The following LRRC38 variants were observed in gnomAD, a reference collection of about 807,000 sequenced individuals.
The protein encoded by LRRC38 is leucine rich repeat containing 38.
Under a neutral mutation model 16.4 loss-of-function variants are expected in LRRC38, and 5 were observed. The observed-to-expected ratio is 0.31, with a 90% CI of 0.16 to 0.64. The LOEUF (loss-of-function observed/expected upper bound fraction) is 0.64. Ranked by LOEUF, LRRC38 falls within the 30% of genes least tolerant of loss-of-function variation. The pLI, the probability that LRRC38 is intolerant of heterozygous loss-of-function variation, is 0.80. For synonymous variants in LRRC38, 191 were observed against 190.2 expected, an observed-to-expected ratio of 1.00 and a Z score of -0.04; for missense variants, 341 against 401.8, an observed-to-expected ratio of 0.85 and a Z score of 1.29.
At chr1:13,485,941 T>C (rs1638926750) in intron 1 of LRRC38, among the ~76,000 whole-genome samples, 1 of 152,106 alleles carries the variant, frequency 6.6e-6, no homozygotes, top group Admixed American at 6.6e-5. Flanking sequence ...TGGTGGTTCT[T>C]TCTTTTTTTG....
intron 1 of LRRC38, among the ~76,000 whole-genome samples, chr1:13,488,627 G>A (rs976251143): frequency 6.6e-6 from 1 of 152,118 alleles, no homozygotes; most frequent in African/African-American, 2.4e-5. Flanking sequence ...GGTTGTGGGT[G>A]AGTCCTTGAA....
intron 1 of LRRC38, among the ~76,000 whole-genome samples, chr1:13,498,647 T>C (rs913592995): frequency 5.3e-5 from 8 of 151,826 alleles, no homozygotes; most frequent in Middle Eastern, 3.4e-3. Context: ...CAAAACAAAA[T>C]AAAAACCAAA....
intron 1 of LRRC38, among the ~76,000 whole-genome samples, chr1:13,480,190 CAA>C (rs1321027400): frequency 6.6e-6 from 1 of 152,164 alleles, no homozygotes; most frequent in East Asian, 1.9e-4. Context: ...ACTAAAAGTA[CAA>C]AAATTAGCTG....
rs1557507709 is a variant in LRRC38 at position 13,513,248 on chromosome 1, A to G, written c.346T>C (p.Leu116=). The part of the protein sequence containing the change: ...LVFLDLSYNN[L]TQLGAGAFRS... ...AAGGCGCCGGCGCCCAGCTGGGTCA[A>G]GTTGTTGTAGCTGAGGTCGAGGAAC... The change falls in exon 1 of 2, where the codon TTG becomes CTG. Residue 116 remains leucine (L), a synonymous_variant. Coordinates refer to ENST00000376085, the MANE Select transcript of LRRC38 (RefSeq NM_001010847.2). The G allele has an allele frequency of 5.8e-6, 9 of 1,550,268 alleles. No individual in the cohort carries two copies. The highest frequency in any genetic ancestry group is 7.8e-6 in the Non-Finnish European group (9 of 1,146,898).
At chr1:13,485,500 G>C (rs989768780) in intron 1 of LRRC38, among the ~76,000 whole-genome samples, 1 of 151,908 alleles carries the variant, frequency 6.6e-6, no homozygotes, top group Non-Finnish European at 1.5e-5. Context: ...CTCGGGAGGC[G>C]ATGTTTGCAG....
intron 1 of LRRC38, among the ~76,000 whole-genome samples, chr1:13,491,130 G>A (rs891479560): frequency 6.6e-6 from 1 of 152,156 alleles, no homozygotes; most frequent in Admixed American, 6.5e-5. Context: ...ATTTGTCGAT[G>A]TCTGAAGACA....
At chr1:13,485,320 G>A (rs1404921349) in intron 1 of LRRC38, among the ~76,000 whole-genome samples, 46 of 149,494 alleles carry the variant, frequency 3.1e-4, no homozygotes, top group Admixed American at 3.1e-3. Context: ...GCTCACGCCT[G>A]TAATCCCAGC....
chr1:13,476,171 G>A (rs930919891), intron 1 of LRRC38, 72 bp from the exon 2 acceptor site: 33 of 1,466,884 alleles, frequency 2.2e-5, no homozygotes, highest in Non-Finnish European at 2.9e-5. Flanking sequence ...TGACAAGGCA[G>A]GTGCTTACAA....
At chr1:13,479,894 T>C (rs1387233225) in intron 1 of LRRC38, among the ~76,000 whole-genome samples, 1 of 152,230 alleles carries the variant, frequency 6.6e-6, no homozygotes. Flanking sequence ...TAGACCCTTG[T>C]TTAAACCAGG....
intron 1 of LRRC38, among the ~76,000 whole-genome samples, chr1:13,481,214 C>T (rs568091754): frequency 2.6e-5 from 4 of 152,082 alleles, no homozygotes; most frequent in East Asian, 1.9e-4. Context: ...TGGGTTCAAG[C>T]GATTCTCCTG....
chr1:13,507,479 T>C (rs1639227311), intron 1 of LRRC38, among the ~76,000 whole-genome samples: 2 of 152,154 alleles, frequency 1.3e-5, no homozygotes, highest in Admixed American at 1.3e-4. Flanking sequence ...ATTAAAGCAA[T>C]AAGGAGATGT....
At chr1:13,490,217 C>T (rs762434738) in intron 1 of LRRC38, among the ~76,000 whole-genome samples, 3 of 152,030 alleles carry the variant, frequency 2.0e-5, no homozygotes, top group East Asian at 1.9e-4. Flanking sequence ...AGTACAGTGG[C>T]GTGACCGGCT....
At chr1:13,477,898 G>A (rs1451072226) in intron 1 of LRRC38, among the ~76,000 whole-genome samples, 1 of 152,154 alleles carries the variant, frequency 6.6e-6, no homozygotes, top group Admixed American at 6.5e-5. Context: ...GAACATAGGA[G>A]AATTTAGCAT....
intron 1 of LRRC38, among the ~76,000 whole-genome samples, chr1:13,486,080 A>G (rs2100496393): frequency 6.6e-6 from 1 of 152,204 alleles, no homozygotes; most frequent in South Asian, 2.1e-4. Context: ...CTGGGATTAC[A>G]GGCGCCCACC....
At chr1:13,502,902 C>T (rs763078647) in intron 1 of LRRC38, among the ~76,000 whole-genome samples, 1 of 152,222 alleles carries the variant, frequency 6.6e-6, no homozygotes, top group Non-Finnish European at 1.5e-5. Context: ...GATCTAAAAG[C>T]ACACATCATC....
chr1:13,490,020 T>C (rs975244654), intron 1 of LRRC38, among the ~76,000 whole-genome samples: 3 of 151,918 alleles, frequency 2.0e-5, no homozygotes, highest in African/African-American at 7.3e-5. Context: ...CTAGCCTGAG[T>C]CCCACCCCTC....
intron 1 of LRRC38, among the ~76,000 whole-genome samples, chr1:13,492,805 C>T (rs1235610769): frequency 6.6e-6 from 1 of 152,198 alleles, no homozygotes; most frequent in Non-Finnish European, 1.5e-5. Context: ...ACTGGCACCT[C>T]TGTGGACCCA....
intron 1 of LRRC38, among the ~76,000 whole-genome samples, chr1:13,497,313 T>C (rs916462005): frequency 6.6e-6 from 1 of 152,168 alleles, no homozygotes; most frequent in East Asian, 1.9e-4. Context: ...AAGTGTTTAA[T>C]GCACCCTGGT....
chr1:13,513,176 G>T lies in LRRC38; in HGVS notation c.418C>A (p.Leu140Met). The change falls in exon 1 of 2, where the codon CTG becomes ATG. Residue 140 changes from leucine (L) to methionine (M), a missense_variant. Coordinates refer to ENST00000376085, the MANE Select transcript of LRRC38 (RefSeq NM_001010847.2). ...AAGGCGTCCTCGTGCACGCCCACCAGGTTGTTGTTAGCCAGGCTAAGCTTC... is the reference window on the plus strand; with the variant it reads ...AAGGCGTCCTCGTGCACGCCCACCATGTTGTTGTTAGCCAGGCTAAGCTTC... ...LVKLSLANNN[L>M]VGVHEDAFET... The T allele has an allele frequency of 6.4e-7, 1 of 1,550,540 alleles. No homozygotes were observed. Among genetic ancestry groups the T allele is most frequent in the Non-Finnish European group, 8.7e-7 (1 of 1,146,960 alleles).
Sources: gnomAD v4.1 joint callset for allele counts (sites outside exome capture counted in the v4.1 genomes callset) on GRCh38, gnomAD v4.1.1 for gene constraint, MANE v1.5 for transcripts, NCBI Gene and HGNC (gene_info 2026-07-23, HGNC 2026-07-21) for gene names.